Variants in LAMA5 observed in about 807,000 individuals in gnomAD.
LAMA5 encodes the protein laminin subunit alpha 5.
A neutral mutation model predicts 433.4 loss-of-function variants in LAMA5; 260 were observed. The ratio of observed to expected loss-of-function variants is 0.60; its 90% CI spans 0.54 to 0.66. The LOEUF is 0.66. Ranked by LOEUF, LAMA5 falls within the 30% of genes least tolerant of loss-of-function variation. LAMA5 has a pLI of 0.00. For synonymous variants in LAMA5, 2,620 were observed against 2,226.6 expected (o/e 1.18, Z -4.97); for missense variants, 5,378 against 5,258.5 (o/e 1.02, Z -0.70).
At position 62,317,711 on chromosome 20, in the gene LAMA5, G is replaced by T. The variant is rs1341741080; in HGVS notation, c.7307C>A (p.Thr2436Asn). The part of the protein sequence containing the change: ...LQATLHAARD[T>N]LASVFRLLHS... ...CAGCAATCTGAAGACGCTGGCCAGG[G>T]TGTCCCTAGCCGCATGCAGAGTGGC... Residue 2436 changes from threonine to asparagine, a missense_variant, in exon 54 of 80, where the codon ACC (threonine) becomes AAC (asparagine). Coordinates refer to ENST00000252999, the MANE Select transcript of LAMA5 (RefSeq NM_005560.6). 9 of 1,605,968 alleles carry T rather than the reference G, an allele frequency of 5.6e-6. No individual in the cohort carries two copies. Among genetic ancestry groups the T allele is most frequent in the African/African-American group, 5.4e-5 (4 of 74,592 alleles).
At chr20:62,351,210 C>CTG (rs758015426) in intron 6 of LAMA5, 18 of 190,682 alleles carry the variant, frequency 9.4e-5, no homozygotes, top group Admixed American at 2.1e-4. Flanking sequence ...AAGGTCAGGG[C>CTG]TGGGGCAGCA....
In LAMA5 at chr20:62,313,016, G is replaced by C. The variant is rs377713649; in HGVS notation, c.8956-6C>G. On this transcript the variant is annotated splice_region_variant and splice_polypyrimidine_tract_variant and intron_variant, in intron 65 of 79. Coordinates refer to ENST00000252999, the MANE Select transcript of LAMA5 (RefSeq NM_005560.6). ...GCCAAGCACAGGAACTGGCTCTGCA[G>C]AAACAGGGCAGGGTTAGTGTGGGGC... The C allele has an allele frequency of 1.9e-6, 3 of 1,584,650 alleles. No homozygotes were observed. The highest frequency in any genetic ancestry group is 2.6e-6 in the Non-Finnish European group (3 of 1,163,180).
rs1986821584 is a variant in LAMA5, at chr20:62,315,289, A to C, written c.7868-82T>G. On this transcript the variant is annotated intron_variant, in intron 58 of 79. Transcript: ENST00000252999. ...TGTCCCCAAGTCTTTCTGTTGGGCC[A>C]GCAACAGGGACATCCAACCCCCTAT... is the stretch of plus-strand genomic sequence containing the variant. The C allele has an allele frequency of 4.1e-6, 5 of 1,210,432 alleles. No individual in the cohort carries two copies. In the South Asian group the frequency reaches 7.3e-5, roughly 18 times the overall value. The allele number at this position is 1,210,432 out of a possible 1,614,324, so 75.0% of individuals were successfully genotyped here. A position where few individuals can be genotyped will look rare whatever the true frequency, so the allele number is the denominator to read the frequency against.
rs200522533 is a variant in LAMA5 at position 62,329,934 on chromosome 20, G to A, written c.3980-18C>T. 1.9e-5 allele frequency: 30 copies of A among 1,608,246 alleles called. No individual in the cohort carries two copies. In the East Asian group the frequency reaches 5.8e-4, roughly 31 times the overall value. ...GGCGTGGCCTGGGCGGGGGAGAAAGGCAGGGTCAGGCCCCCATCTCTAGCG... is the reference window on the plus strand; with the variant it reads ...GGCGTGGCCTGGGCGGGGGAGAAAGACAGGGTCAGGCCCCCATCTCTAGCG... On this transcript the variant is annotated intron_variant, in intron 31 of 79. Coordinates refer to ENST00000252999, the MANE Select transcript of LAMA5 (RefSeq NM_005560.6).
At chr20:62,347,913 T>C (rs1032419169) in intron 6 of LAMA5, among the ~76,000 whole-genome samples, 2 of 152,138 alleles carry the variant, frequency 1.3e-5, no homozygotes, top group Non-Finnish European at 2.9e-5. Flanking sequence ...TCCCTCAGAA[T>C]CCAGAAACAT....
At chr20:62,363,613 C>T (rs945377741) in intron 1 of LAMA5, among the ~76,000 whole-genome samples, 1 of 152,096 alleles carries the variant, frequency 6.6e-6, no homozygotes, top group Admixed American at 6.5e-5. Flanking sequence ...ACCAGATCTG[C>T]TGTTTGTCCA....
Position 62,330,558 on chromosome 20 carries a change from C to T in LAMA5, c.3909G>A (p.Leu1303=), listed in dbSNP as rs1346803431. ...VPTLGRYAFL[L]HGYQPAHPTF... ...TGGGGTGGGCTGGCTGGTAGCCGTG[C>T]AGCAGGAAGGCATAGCGGCCCAGCG... The change falls in exon 31 of 80, where the codon CTG becomes CTA. Residue 1303 remains leucine, a synonymous_variant. Transcript: ENST00000252999. 1 of 1,590,840 alleles carries T rather than the reference C, an allele frequency of 6.3e-7. No homozygotes were observed. The highest frequency in any genetic ancestry group is 8.5e-7 in the Non-Finnish European group (1 of 1,170,474).
intron 2 of LAMA5, 50 bp from the exon 3 acceptor site, chr20:62,353,301 G>T: frequency 7.6e-7 from 1 of 1,312,920 alleles, no homozygotes; most frequent in South Asian, 1.3e-5. Flanking sequence ...GGATTCCCAT[G>T]CTCCCAGGGG....
intron 48 of LAMA5, 143 bp from the exon 49 acceptor site, chr20:62,321,033 G>T: frequency 1.1e-6 from 1 of 879,988 alleles, no homozygotes; most frequent in Non-Finnish European, 1.7e-6. Flanking sequence ...CCTGTGGGGA[G>T]GTCCCAGAGT....
chr20:62,309,301 C>T lies in LAMA5; in HGVS notation c.*35G>A, dbSNP rs1985802422. 1 of 1,585,268 alleles carries T rather than the reference C, an allele frequency of 6.3e-7. No homozygotes were observed. The highest frequency in any genetic ancestry group is 1.7e-5 in the Admixed American group (1 of 58,740). On this transcript the variant is annotated 3_prime_UTR_variant, in exon 80 of 80. Transcript: ENST00000252999. ...CACAAGGGGCGGTGTGAGGCAGCTGCAGGGGCCTGACCAGGGGCCGGGGTT... is the reference window on the plus strand; with the variant it reads ...CACAAGGGGCGGTGTGAGGCAGCTGTAGGGGCCTGACCAGGGGCCGGGGTT...
chr20:62,315,503 C>T (rs919961070), intron 58 of LAMA5, among the ~76,000 whole-genome samples: 1 of 152,044 alleles, frequency 6.6e-6, no homozygotes, highest in Non-Finnish European at 1.5e-5. Context: ...TTGCTGGGAA[C>T]AGTCCGCAGC....
At chr20:62,345,630 C>A in intron 11 of LAMA5, 188 bp downstream of exon 11, 1 of 656,356 alleles carries the variant, frequency 1.5e-6, no homozygotes, top group African/African-American at 1.8e-5. Flanking sequence ...TAACTTTTTT[C>A]TTTGGCTTTA....
chr20:62,335,712 ACACT>A (rs1211499984), intron 18 of LAMA5, among the ~76,000 whole-genome samples: 2 of 126,892 alleles, frequency 1.6e-5, no homozygotes, highest in Non-Finnish European at 3.3e-5. Flanking sequence ...CCTCCAGAGC[ACACT>A]CACAGGCTCC....
At position 62,336,546 on chromosome 20, in the gene LAMA5, G is replaced by A. The variant is rs1981665653; in HGVS notation, c.2218-101C>T. On this transcript the variant is annotated intron_variant, in intron 17 of 79. Transcript: ENST00000252999. ...TGACAAGGGGTGGTGAGGGCTGAGGGCCCTCACCTGTGACTCACAGGAGTC... is the reference window on the plus strand; with the variant it reads ...TGACAAGGGGTGGTGAGGGCTGAGGACCCTCACCTGTGACTCACAGGAGTC... 5.1e-6 allele frequency: 6 copies of A among 1,183,438 alleles called. No individual in the cohort carries two copies. In the East Asian group the frequency reaches 7.3e-5, roughly 14 times the overall value. 73.3% of individuals were successfully genotyped at this position (1,183,438 alleles called of 1,614,324 possible). A position where few individuals can be genotyped will look rare whatever the true frequency, so the allele number is the denominator to read the frequency against.
chr20:62,330,399 A>G (rs1030787249), intron 31 of LAMA5, 89 bp downstream of exon 31: 16 of 1,427,152 alleles, frequency 1.1e-5, no homozygotes, highest in African/African-American at 2.9e-5. Context: ...CCTGTCGCTC[A>G]TAGCAGGTAG....
intron 51 of LAMA5, chr20:62,319,246 G>C (rs899400681): frequency 1.8e-6 from 1 of 560,656 alleles, no homozygotes. Context: ...TGCTCAGCCA[G>C]CTTCTGAGCC....
intron 17 of LAMA5, 45 bp downstream of exon 17, chr20:62,336,689 C>A: frequency 6.2e-7 from 1 of 1,607,738 alleles, no homozygotes; most frequent in Non-Finnish European, 8.5e-7. Context: ...TTAGCTTGGC[C>A]TGGGTCCTCA....
chr20:62,318,570 C>A lies in LAMA5; in HGVS notation c.7123G>T (p.Ala2375Ser), dbSNP rs1324301449. ...ALATQTRDRL[A>S]QHEAGLMDLR... ...TCCATGAGGCCGGCCTCGTGCTGGG[C>A]CAGCCGGTCGCGGGTTTGTGTGGCC... Residue 2375 changes from alanine (A) to serine (S), a missense_variant, in exon 53 of 80, where the codon GCC becomes TCC. Physicochemically the swap from Ala to Ser is moderately conservative, Grantham distance 99. Coordinates refer to ENST00000252999, the MANE Select transcript of LAMA5 (RefSeq NM_005560.6). 6.2e-7 allele frequency: 1 copy of A among 1,610,554 alleles called. No homozygotes were observed. The highest frequency in any genetic ancestry group is 1.7e-5 in the Admixed American group (1 of 59,908).
intron 74 of LAMA5, 29 bp downstream of exon 74, chr20:62,310,873 C>A: frequency 6.2e-7 from 1 of 1,605,856 alleles, no homozygotes; most frequent in South Asian, 1.1e-5. Context: ...CAGGCCCTGC[C>A]CACCACCTTC....
Sources: gnomAD v4.1 joint callset for allele counts (sites outside exome capture counted in the v4.1 genomes callset) on GRCh38, gnomAD v4.1.1 for gene constraint, MANE v1.5 for transcripts, NCBI Gene and HGNC (gene_info 2026-07-23, HGNC 2026-07-21) for gene names.